FHL1: variants seen among roughly 807,000 people sequenced by gnomAD.
The protein encoded by FHL1 is four and a half LIM domains protein 1.
A neutral mutation model predicts 20.3 loss-of-function variants in FHL1; 1 was observed. The observed-to-expected ratio is 0.05, with a 90% confidence interval of 0.02 to 0.23. The LOEUF is 0.23. Among genes scored for constraint, FHL1 ranks in the 10% least tolerant of loss-of-function variants. FHL1 has a pLI of 1.00. For synonymous variants in FHL1, 82 were observed against 88.9 expected (o/e 0.92, Z 0.44); for missense variants, 177 against 234.0 (o/e 0.76, Z 1.59).
upstream of FHL1, among the ~76,000 whole-genome samples, chrX:136,167,407 A>G (rs1275477634): frequency 9.1e-6 from 1 of 109,544 alleles, no homozygotes; most frequent in Admixed American, 9.8e-5. Context: ...GGGTTTCATC[A>G]TGTTGGCCAG....
chrX:136,159,654 G>C (rs1191871898), intron 1 of FHL1, among the ~76,000 whole-genome samples: 1 of 112,350 alleles, frequency 8.9e-6, no homozygotes, highest in Non-Finnish European at 1.9e-5. Flanking sequence ...CCCCTGAAAA[G>C]GGGAAGTATG....
intron 1 of FHL1, among the ~76,000 whole-genome samples, chrX:136,158,489 C>G (rs1326817462): frequency 9.0e-6 from 1 of 111,583 alleles, no homozygotes; most frequent in Non-Finnish European, 1.9e-5. Flanking sequence ...TTTTCCTCCT[C>G]CATGTCTTTC....
At chrX:136,178,359 T>C (rs776131861) in intron 2 of FHL1, among the ~76,000 whole-genome samples, 1 of 112,181 alleles carries the variant, frequency 8.9e-6, no homozygotes, top group African/African-American at 3.2e-5. Context: ...TCTTGTCTTA[T>C]CAGCCAGATA....
At chrX:136,181,198 T>TA (rs1395382706) in intron 2 of FHL1, among the ~76,000 whole-genome samples, 1 of 112,411 alleles carries the variant, frequency 8.9e-6, no homozygotes, top group Non-Finnish European at 1.9e-5. Flanking sequence ...AAGCCATGGG[T>TA]GTTAAGGCAT....
At chrX:136,195,489 G>A (rs2073534650), upstream of FHL1, among the ~76,000 whole-genome samples, 1 of 112,495 alleles carries the variant, frequency 8.9e-6, no homozygotes, top group Non-Finnish European at 1.9e-5. Flanking sequence ...GGATGAGAAA[G>A]AGACTAGAAA....
At chrX:136,181,306 T>G (rs1312860773) in intron 2 of FHL1, among the ~76,000 whole-genome samples, 1 of 111,732 alleles carries the variant, frequency 8.9e-6, no homozygotes, top group Admixed American at 9.5e-5. Flanking sequence ...CCTTTAGGAA[T>G]CTGCAAACAG....
intron 1 of FHL1, among the ~76,000 whole-genome samples, chrX:136,152,797 A>G (rs2072305287): frequency 9.1e-6 from 1 of 109,804 alleles, no homozygotes. Context: ...TAGAGAATGG[A>G]GAGATGAATT....
chrX:136,190,715 T>C (rs2073413855), intron 2 of FHL1, among the ~76,000 whole-genome samples: 1 of 111,627 alleles, frequency 9.0e-6, no homozygotes, highest in Non-Finnish European at 1.9e-5. Context: ...TTACCATACA[T>C]AGCATTCCTA....
intron 2 of FHL1, among the ~76,000 whole-genome samples, chrX:136,181,039 G>A (rs755516709): frequency 5.3e-5 from 6 of 112,438 alleles, no homozygotes; most frequent in South Asian, 3.7e-4. Flanking sequence ...CACCGCGCCC[G>A]GCCCTGATTG....
chrX:136,184,934 A>ATAACTT (rs1174180748), intron 2 of FHL1, among the ~76,000 whole-genome samples: 1 of 112,156 alleles, frequency 8.9e-6, no homozygotes, highest in African/African-American at 3.2e-5. Flanking sequence ...GGAAGAAAAA[A>ATAACTT]TAACTTGGCT....
chrX:136,203,350 A>G (rs1009744208), intron 1 of FHL1, among the ~76,000 whole-genome samples: 1 of 112,206 alleles, frequency 8.9e-6, no homozygotes, highest in African/African-American at 3.2e-5. Flanking sequence ...GTGGTGGGGA[A>G]TCTAAGGTGT....
At chrX:136,167,115 T>C (rs1192568182), upstream of FHL1, 1 of 111,763 alleles carries the variant, frequency 8.9e-6, no homozygotes, top group Non-Finnish European at 1.9e-5. Context: ...TCTATATGAG[T>C]GGAGTGTGGT....
rs1238301972 is a variant in FHL1 at position 136,210,110 on chromosome X, G to T, written c.*85G>T. 9.0e-7 allele frequency: 1 copy of T among 1,116,099 alleles called. No individual in the cohort carries two copies. The highest frequency in any genetic ancestry group is 1.2e-6 in the Non-Finnish European group (1 of 810,680). 92.0% of individuals were successfully genotyped at this position (1,116,099 alleles called of 1,213,427 possible). ...TTTCTGCCCTATACCATCAATAGGG[G>T]AAGAGTGGTCCTTCCCTTCTTTAAA... On this transcript the variant is annotated 3_prime_UTR_variant, in exon 6 of 6. Transcript: ENST00000370683.
chrX:136,162,392 T>G (rs1280935371), intron 1 of FHL1, among the ~76,000 whole-genome samples: 1 of 111,563 alleles, frequency 9.0e-6, no homozygotes, highest in Non-Finnish European at 1.9e-5. Context: ...TGTAGATTGA[T>G]TCATAAATGT....
At chrX:136,154,112 G>A (rs185772538) in intron 1 of FHL1, among the ~76,000 whole-genome samples, 1 of 112,264 alleles carries the variant, frequency 8.9e-6, no homozygotes, top group Non-Finnish European at 1.9e-5. Context: ...ATGTGCTAAC[G>A]TCAGAGTTCC....
exon 1 of FHL1, chrX:136,147,577 A>G (rs1395905044): frequency 2.8e-5 from 3 of 107,814 alleles, no homozygotes; most frequent in Non-Finnish European, 5.8e-5. Context: ...GCCTCGGTGC[A>G]GGCAGCGGCC....
At chrX:136,209,521 G>C in intron 5 of FHL1, 1 of 1,034,569 alleles carries the variant, frequency 9.7e-7, no homozygotes, top group Non-Finnish European at 1.3e-6. Flanking sequence ...CTAAATCAAA[G>C]AAACTGGTTA....
intron 1 of FHL1, among the ~76,000 whole-genome samples, chrX:136,158,425 TCTC>T (rs1371922891): frequency 1.8e-5 from 2 of 112,015 alleles, no homozygotes; most frequent in Non-Finnish European, 3.8e-5. Flanking sequence ...GCATGCGTCG[TCTC>T]CTCTTGCCAC....
At chrX:136,192,444 G>A (rs1036630779), upstream of FHL1, among the ~76,000 whole-genome samples, 1 of 112,122 alleles carries the variant, frequency 8.9e-6, no homozygotes, top group Non-Finnish European at 1.9e-5. Flanking sequence ...CTCATGCTTC[G>A]TAATCTCTCT....
Sources: gnomAD v4.1 joint callset for allele counts (sites outside exome capture counted in the v4.1 genomes callset) on GRCh38, gnomAD v4.1.1 for gene constraint, MANE v1.5 for transcripts, NCBI Gene and HGNC (gene_info 2026-07-23, HGNC 2026-07-21) for gene names.